Variants in SEC14L3 observed in about 807,000 individuals in gnomAD.
SEC14L3 encodes the protein SEC14 like lipid binding 3, also known as SEC14-like protein 3.
In SEC14L3, 56 loss-of-function variants were observed where a neutral mutation model predicts 57.4. That is an observed-to-expected ratio of 0.97 (90% CI 0.79 to 1.22). The LOEUF is 1.22. SEC14L3 is among the 50% of genes most tolerant of loss of function. The probability of loss-of-function intolerance (pLI) is 0.00; values close to 1 mark genes in which losing one functional copy is unlikely to be tolerated. For missense variants in SEC14L3, 485 were observed against 511.7 expected (o/e 0.95, Z 0.50); for synonymous variants, 173 against 194.4 (o/e 0.89, Z 0.92).
rs529954124 is a variant in SEC14L3 at position 30,459,485 on chromosome 22, C to T, written c.*536G>A. On this transcript the variant is annotated 3_prime_UTR_variant, in exon 12 of 12. Transcript: ENST00000215812. Reference sequence around the variant, plus strand: ...GTCTCCAGAAGAGAGTCCAACCCCACCACACATCTGCTCCTGTCCAAGGTG... The same window carrying T: ...GTCTCCAGAAGAGAGTCCAACCCCATCACACATCTGCTCCTGTCCAAGGTG... 1 of 985,634 alleles carries T rather than the reference C, an allele frequency of 1.0e-6. No individual in the cohort carries two copies. Among genetic ancestry groups the T allele is most frequent in the East Asian group, 1.1e-4 (1 of 8,812 alleles). 61.1% of individuals were successfully genotyped at this position (985,634 alleles called of 1,614,324 possible). A position where few individuals can be genotyped will look rare whatever the true frequency, so the allele number is the denominator to read the frequency against.
chr22:30,462,342 C>T (rs1935295695), intron 8 of SEC14L3, 150 bp from the exon 9 acceptor site: 14 of 1,173,226 alleles, frequency 1.2e-5, no homozygotes, highest in Non-Finnish European at 1.6e-5. Flanking sequence ...CCTGGGGCTA[C>T]AGTAAGTGTC....
chr22:30,469,657 GGT>G lies in SEC14L3; in HGVS notation c.234+360_234+361del, dbSNP rs1935537585. Among the ~76,000 whole-genome samples, 5 of 152,316 alleles carry G rather than the reference GGT, an allele frequency of 3.3e-5. No individual in the cohort carries two copies. In the South Asian group the frequency reaches 1.0e-3, roughly 32 times the overall value. ...GGGTGCAGAAGCACAGGCTAACCGTGGTGGTTACGAGCCTGGGTTTGGGGGCC... is the reference window on the plus strand; with the variant it reads ...GGGTGCAGAAGCACAGGCTAACCGTGGGTTACGAGCCTGGGTTTGGGGGCC... On this transcript the variant is annotated intron_variant, in intron 4 of 11. Coordinates refer to ENST00000215812, the MANE Select transcript of SEC14L3 (RefSeq NM_174975.5).
At chr22:30,453,881 G>A (rs1162533391) in intron 12 of SEC14L3, among the ~76,000 whole-genome samples, 1 of 152,164 alleles carries the variant, frequency 6.6e-6, no homozygotes, top group Non-Finnish European at 1.5e-5. Context: ...CCCTGCTGAA[G>A]GTCAAGATGC....
chr22:30,465,900 C>T (rs1935402293), intron 7 of SEC14L3, among the ~76,000 whole-genome samples: 2 of 152,238 alleles, frequency 1.3e-5, no homozygotes, highest in African/African-American at 4.8e-5. Flanking sequence ...CCACCATGGA[C>T]CCAGGCCTGT....
rs753202660 is a variant in SEC14L3, at chr22:30,468,766, G to A, written c.235-70C>T. 3.1e-6 allele frequency: 5 copies of A among 1,613,150 alleles called. No homozygotes were observed. The South Asian group carries it at 4.4e-5, about 14-fold the overall frequency. Reference sequence around the variant, plus strand: ...TTGAGACCCCAGACCAGGCTGACCTGGGTGGCCCAAGCCTACACACACCAT... The same window carrying A: ...TTGAGACCCCAGACCAGGCTGACCTAGGTGGCCCAAGCCTACACACACCAT... On this transcript the variant is annotated intron_variant, in intron 4 of 11. Coordinates refer to ENST00000215812, the MANE Select transcript of SEC14L3 (RefSeq NM_174975.5).
At position 30,462,203 on chromosome 22, in the gene SEC14L3, TG is replaced by T; in HGVS notation, c.665-12del. 1 of 1,609,910 alleles carries T rather than the reference TG, an allele frequency of 6.2e-7. No homozygotes were observed. ...CTTCCTTCCAGTTATCTGGGAGCAGTGGGATTCAAGGGTGGTTAGCAAGCAT... is the reference window on the plus strand; with the variant it reads ...CTTCCTTCCAGTTATCTGGGAGCAGTGGATTCAAGGGTGGTTAGCAAGCAT... On this transcript the variant is annotated splice_polypyrimidine_tract_variant and intron_variant, in intron 8 of 11. Coordinates refer to ENST00000215812, the MANE Select transcript of SEC14L3 (RefSeq NM_174975.5).
downstream of SEC14L3, among the ~76,000 whole-genome samples, chr22:30,454,756 AATATATAAT>A (rs1935061794): frequency 1.3e-5 from 1 of 78,540 alleles, no homozygotes; most frequent in African/African-American, 5.9e-5. Flanking sequence ...TATTATATAT[AATATATAAT>A]ATATAATATA....
At chr22:30,468,910 A>C in intron 4 of SEC14L3, 1 of 1,506,724 alleles carries the variant, frequency 6.6e-7, no homozygotes, top group East Asian at 2.5e-5. Context: ...AGGTCTCAGC[A>C]GGCCCTTGGA....
intron 11 of SEC14L3, 174 bp from the exon 12 acceptor site, chr22:30,460,316 C>T (rs1935213568): frequency 5.1e-6 from 5 of 979,180 alleles, no homozygotes; most frequent in African/African-American, 1.8e-5. Context: ...CAAGCAGGTC[C>T]TGTAAACAGA....
At chr22:30,468,137 T>A (rs1935480072) in intron 5 of SEC14L3, among the ~76,000 whole-genome samples, 2 of 151,826 alleles carry the variant, frequency 1.3e-5, no homozygotes, top group African/African-American at 2.4e-5. Context: ...AAATTAGCCC[T>A]GCGTGGTGGC....
chr22:30,468,895 A>T, intron 4 of SEC14L3, 199 bp from the exon 5 acceptor site: 1 of 1,525,604 alleles, frequency 6.6e-7, no homozygotes. Flanking sequence ...GTAAATGGCA[A>T]AGCCAGGTCT....
chr22:30,467,183 G>A (rs111620408), intron 5 of SEC14L3, 106 bp from the exon 6 acceptor site: 1 of 1,496,890 alleles, frequency 6.7e-7, no homozygotes, highest in Admixed American at 2.0e-5. Flanking sequence ...CCCCGACTCT[G>A]TCCTCAGAGG....
chr22:30,464,783 T>C (rs754812562), intron 8 of SEC14L3, 37 bp downstream of exon 8: 20 of 1,602,764 alleles, frequency 1.2e-5, no homozygotes, highest in Non-Finnish European at 1.5e-5. Context: ...CCAAAGGTCA[T>C]GTATAGAGGT....
chr22:30,471,727 C>T lies in SEC14L3; in HGVS notation c.54+178G>A, dbSNP rs566123266. Reference sequence around the variant, plus strand: ...TGGTGCTAGTCCCTCAACCCCCGCCCGGGACAGGGTTGATGTTACTGGGCA... The same window carrying T: ...TGGTGCTAGTCCCTCAACCCCCGCCTGGGACAGGGTTGATGTTACTGGGCA... On this transcript the variant is annotated intron_variant, in intron 1 of 11. Coordinates refer to ENST00000215812, the MANE Select transcript of SEC14L3 (RefSeq NM_174975.5). Among the ~76,000 whole-genome samples, 7 of 152,326 alleles carry T rather than the reference C, an allele frequency of 4.6e-5. No individual in the cohort carries two copies. In the East Asian group the frequency reaches 7.7e-4, roughly 17 times the overall value.
At chr22:30,457,168 C>T (rs969062254), downstream of SEC14L3, among the ~76,000 whole-genome samples, 2 of 152,086 alleles carry the variant, frequency 1.3e-5, no homozygotes, top group African/African-American at 4.8e-5. Context: ...CTAAGCCATC[C>T]TCTCCCAAGG....
chr22:30,468,293 A>AGGG (rs35109929), intron 5 of SEC14L3, among the ~76,000 whole-genome samples: 11 of 149,490 alleles, frequency 7.4e-5, no homozygotes, highest in African/African-American at 2.2e-4. Context: ...AAAAAAAAAA[A>AGGG]GAGGGTTCTA....
At chr22:30,455,106 A>AATATTTAATATTTAATATTTAAT (rs1569225638), downstream of SEC14L3, among the ~76,000 whole-genome samples, 3 of 26,774 alleles carry the variant, frequency 1.1e-4, no homozygotes, top group Non-Finnish European at 1.7e-4. Context: ...TAATATATTT[A>AATATTTAATATTTAATATTTAAT]ATATTTAATA....
chr22:30,451,503 CA>C (rs1934980231), intron 12 of SEC14L3, among the ~76,000 whole-genome samples: 1 of 152,018 alleles, frequency 6.6e-6, no homozygotes, highest in African/African-American at 2.4e-5. Context: ...TTAAAGAAAC[CA>C]AAGACTAAAT....
At chr22:30,465,484 A>T (rs965493636) in intron 7 of SEC14L3, among the ~76,000 whole-genome samples, 2 of 152,052 alleles carry the variant, frequency 1.3e-5, no homozygotes, top group African/African-American at 4.8e-5. Flanking sequence ...CCAGCCAACC[A>T]TCCAAATAAC....
Sources: allele counts gnomAD v4.1 joint callset (sites outside exome capture counted in the v4.1 genomes callset), GRCh38; gene constraint gnomAD v4.1.1; transcripts MANE v1.5; gene names NCBI Gene and HGNC (gene_info 2026-07-23, HGNC 2026-07-21).